The following CNTNAP5 variants were observed in gnomAD, a reference collection of about 807,000 sequenced individuals.
CNTNAP5 encodes contactin-associated protein-like 5.
CNTNAP5 carries 72 observed loss-of-function variants against 150.2 expected under a neutral mutation model. The observed-to-expected ratio is 0.48, with a 90% CI of 0.40 to 0.58. The LOEUF (loss-of-function observed/expected upper bound fraction) is 0.58. CNTNAP5 is among the 20% of genes least tolerant of loss of function. The probability of loss-of-function intolerance (pLI) is 0.00; values close to 1 mark genes in which losing one functional copy is unlikely to be tolerated. For synonymous variants in CNTNAP5, 672 were observed against 619.8 expected (o/e 1.08, Z -1.25); for missense variants, 1,636 against 1,626.2 (o/e 1.01, Z -0.10).
intron 3 of CNTNAP5, among the ~76,000 whole-genome samples, chr2:124,347,725 G>A (rs1267003410): frequency 6.6e-6 from 1 of 152,054 alleles, no homozygotes; most frequent in Non-Finnish European, 1.5e-5. Context: ...CTTTGTGGCC[G>A]TCAACTTAGA....
rs777357575 is a variant in CNTNAP5, at chr2:124,789,983, A to G, written c.2834A>G (p.Glu945Gly). 6.2e-7 allele frequency: 1 copy of G among 1,613,984 alleles called. No individual in the cohort carries two copies. The highest frequency in any genetic ancestry group is 1.7e-5 in the Admixed American group (1 of 60,018). The part of the protein sequence containing the change: ...HLNGQKMDLE[E>G]RAKVTSGVRP... ...AATGGACAGAAAATGGACCTGGAAG[A>G]GAGGGCAAAGGTCACATCTGGAGTC... Residue 945 changes from glutamate to glycine, a missense_variant, in exon 18 of 24, where the codon GAG (glutamate) becomes GGG (glycine). Glu to Gly is a moderately conservative substitution (Grantham distance 98, BLOSUM62 -2). Transcript: ENST00000682447.
At chr2:124,291,670 T>C (rs1366883925) in intron 3 of CNTNAP5, among the ~76,000 whole-genome samples, 9 of 152,152 alleles carry the variant, frequency 5.9e-5, no homozygotes, top group Admixed American at 1.3e-4. Flanking sequence ...TTTGTACCTC[T>C]TAGAACTTCT....
chr2:124,769,694 G>A (rs948845725), intron 16 of CNTNAP5, among the ~76,000 whole-genome samples: 7 of 152,086 alleles, frequency 4.6e-5, no homozygotes, highest in East Asian at 1.9e-4. Context: ...TTCTAGCTTT[G>A]ACTAGCCAGG....
intron 12 of CNTNAP5, among the ~76,000 whole-genome samples, chr2:124,639,188 G>T (rs1678038342): frequency 6.6e-6 from 1 of 152,196 alleles, no homozygotes; most frequent in Non-Finnish European, 1.5e-5. Context: ...TTGCAGTATA[G>T]CATGGGATAC....
In CNTNAP5 at chr2:124,483,035, C is replaced by T. The variant is rs187793966; in HGVS notation, c.1062+8153C>T. Among the ~76,000 whole-genome samples the T allele has an allele frequency of 5.9e-5, 9 of 152,328 alleles. No individual in the cohort carries two copies. In the East Asian group the frequency reaches 1.7e-3, roughly 29 times the overall value. On this transcript the variant is annotated intron_variant, in intron 7 of 23. Transcript: ENST00000682447. ...TTCTGGAATTCACTCCTTGCACATCCTTCTCTCAGCCTTTGCATGTTGTGT... is the reference window on the plus strand; with the variant it reads ...TTCTGGAATTCACTCCTTGCACATCTTTCTCTCAGCCTTTGCATGTTGTGT...
chr2:124,505,701 C>G (rs761644048), intron 8 of CNTNAP5, among the ~76,000 whole-genome samples: 1 of 152,128 alleles, frequency 6.6e-6, no homozygotes, highest in Non-Finnish European at 1.5e-5. Flanking sequence ...AAGTCTCTCT[C>G]TCATTCTCTG....
chr2:124,838,740 T>C (rs1682881916), intron 19 of CNTNAP5, among the ~76,000 whole-genome samples: 1 of 152,148 alleles, frequency 6.6e-6, no homozygotes, highest in Admixed American at 6.5e-5. Context: ...CTGTAGCAAA[T>C]AATATTTCAC....
chr2:124,580,231 C>T (rs1696378542), intron 11 of CNTNAP5, among the ~76,000 whole-genome samples: 3 of 152,274 alleles, frequency 2.0e-5, no homozygotes, highest in African/African-American at 2.4e-5. Context: ...TAACCAAAAG[C>T]GGGGAATTGT....
chr2:124,156,238 T>C (rs1347877), intron 1 of CNTNAP5, among the ~76,000 whole-genome samples: 49,644 of 151,732 alleles, frequency 0.33, 9,095 homozygotes, highest in Admixed American at 0.4. Flanking sequence ...GGAGGGAGAG[T>C]AGAGATGACC....
At chr2:124,445,024 T>C (rs1333781250) in intron 5 of CNTNAP5, among the ~76,000 whole-genome samples, 3 of 152,100 alleles carry the variant, frequency 2.0e-5, no homozygotes, top group Non-Finnish European at 2.9e-5. Flanking sequence ...TTAAACTCTA[T>C]GTCTCCTTAA....
chr2:124,866,204 G>A (rs1677628804), intron 20 of CNTNAP5, among the ~76,000 whole-genome samples: 1 of 152,066 alleles, frequency 6.6e-6, no homozygotes, highest in Non-Finnish European at 1.5e-5. Flanking sequence ...AGGTTGCAGT[G>A]AGCAGAGATC....
chr2:124,613,160 AATG>A (rs1235114793), intron 12 of CNTNAP5, among the ~76,000 whole-genome samples: 4 of 152,264 alleles, frequency 2.6e-5, no homozygotes, highest in Admixed American at 1.3e-4. Context: ...ACATACATGT[AATG>A]ATGATCAAAT....
intron 13 of CNTNAP5, among the ~76,000 whole-genome samples, chr2:124,733,277 G>A (rs1454912968): frequency 6.6e-6 from 1 of 151,918 alleles, no homozygotes; most frequent in Non-Finnish European, 1.5e-5. Context: ...AATTTGTTAA[G>A]GAATTTAAGA....
At chr2:124,897,040 A>G (rs1392109865) in intron 21 of CNTNAP5, among the ~76,000 whole-genome samples, 1 of 151,594 alleles carries the variant, frequency 6.6e-6, no homozygotes, top group Non-Finnish European at 1.5e-5. Context: ...TTATTTGAAT[A>G]TATTTATTCC....
rs1677753508 is a variant in CNTNAP5 at position 124,627,533 on chromosome 2, A to C, written c.1876+17613A>C. Among the ~76,000 whole-genome samples the C allele has an allele frequency of 2.0e-5, 3 of 151,856 alleles. No homozygotes were observed. The South Asian group carries it at 6.2e-4, about 32-fold the overall frequency. The stretch of plus-strand genomic sequence containing the variant: ...AGCAACAACAACATCAAAAAAAAAA[A>C]AAAAAGACCCCACAAAAACCCCATC... On this transcript the variant is annotated intron_variant, in intron 12 of 23. Transcript: ENST00000682447.
chr2:124,779,230 C>A (rs150170386), intron 17 of CNTNAP5, among the ~76,000 whole-genome samples: 3 of 152,300 alleles, frequency 2.0e-5, no homozygotes, highest in East Asian at 1.9e-4. Context: ...AGTGACTGAG[C>A]CAGAGTGCAA....
chr2:124,336,514 T>A (rs1689472813), intron 3 of CNTNAP5, among the ~76,000 whole-genome samples: 1 of 109,226 alleles, frequency 9.2e-6, no homozygotes, highest in Non-Finnish European at 1.8e-5. Flanking sequence ...CCTAATGCTA[T>A]CCCTCCCCCC....
At chr2:124,410,398 C>G (rs914355869) in intron 3 of CNTNAP5, among the ~76,000 whole-genome samples, 1 of 151,606 alleles carries the variant, frequency 6.6e-6, no homozygotes, top group African/African-American at 2.4e-5. Context: ...ATGTACAGAA[C>G]TCTCCACCCC....
intron 3 of CNTNAP5, among the ~76,000 whole-genome samples, chr2:124,406,845 T>A (rs1691583877): frequency 6.6e-6 from 1 of 152,202 alleles, no homozygotes; most frequent in African/African-American, 2.4e-5. Flanking sequence ...TCTTTTTTCA[T>A]CCCAACCTCA....
Sources: gnomAD v4.1 joint callset for allele counts (sites outside exome capture counted in the v4.1 genomes callset) on GRCh38, gnomAD v4.1.1 for gene constraint, MANE v1.5 for transcripts, NCBI Gene and HGNC (gene_info 2026-07-23, HGNC 2026-07-21) for gene names.